Variants in SNX29 observed in about 807,000 individuals in gnomAD.
SNX29 encodes the protein sorting nexin-29.
Under a neutral mutation model 102.1 loss-of-function variants are expected in SNX29, and 78 were observed. That is an observed-to-expected ratio of 0.76 (90% CI 0.64 to 0.92). The LOEUF is 0.92. SNX29 is among the 40% of genes least tolerant of loss of function. SNX29 has a pLI of 0.00. For synonymous variants in SNX29, 580 were observed against 414.5 expected (o/e 1.40, Z -4.85); for missense variants, 1,280 against 1,061.7 (o/e 1.21, Z -2.86).
intron 20 of SNX29, among the ~76,000 whole-genome samples, chr16:12,566,618 C>T (rs544188109): frequency 6.6e-6 from 1 of 152,206 alleles, no homozygotes; most frequent in Non-Finnish European, 1.5e-5. Flanking sequence ...TTCCCCTACA[C>T]TGCAAGCAAA....
At chr16:12,023,780 C>G (rs74008652) in intron 3 of SNX29, among the ~76,000 whole-genome samples, 4 of 152,008 alleles carry the variant, frequency 2.6e-5, no homozygotes, top group Non-Finnish European at 5.9e-5. Context: ...ATGTGTCCAC[C>G]AGAAGCTAAA....
At chr16:12,309,470 CCT>C in intron 15 of SNX29, among the ~76,000 whole-genome samples, 1 of 152,256 alleles carries the variant, frequency 6.6e-6, no homozygotes, top group Non-Finnish European at 1.5e-5. Context: ...TCTCTTGGCC[CCT>C]CTGTCTCATT....
At chr16:12,561,861 G>A (rs552081664) in intron 20 of SNX29, among the ~76,000 whole-genome samples, 5 of 152,272 alleles carry the variant, frequency 3.3e-5, no homozygotes, top group Non-Finnish European at 4.4e-5. Context: ...GTGCCCTGGG[G>A]ACTTATGGGC....
intron 11 of SNX29, among the ~76,000 whole-genome samples, chr16:12,114,937 T>G (rs906142103): frequency 6.6e-6 from 1 of 152,178 alleles, no homozygotes; most frequent in African/African-American, 2.4e-5. Flanking sequence ...ATGAGATAAT[T>G]GACACATAGT....
At position 12,098,485 on chromosome 16, in the gene SNX29, C is replaced by T. The variant is rs377690658; in HGVS notation, c.1402+19570C>T. 6.6e-6 allele frequency among the ~76,000 whole-genome samples: 1 copy of T among 152,152 alleles called. No homozygotes were observed. The highest frequency in any genetic ancestry group is 1.5e-5 in the Non-Finnish European group (1 of 68,026). On this transcript the variant is annotated intron_variant, in intron 11 of 20. Coordinates refer to ENST00000566228, the MANE Select transcript of SNX29 (RefSeq NM_032167.5). The surrounding 1 kb of genome is among the most constrained non-coding windows in gnomAD (Gnocchi z 6.0). ...GGCCACCGCGTGCCCTTTGATGGGA[C>T]GTTACATTGCATTTCAGCAGCACCC...
chr16:12,543,253 C>T (rs1012063149), intron 20 of SNX29, among the ~76,000 whole-genome samples: 4 of 152,194 alleles, frequency 2.6e-5, no homozygotes, highest in East Asian at 1.9e-4. Flanking sequence ...CTGAATGATG[C>T]AGCTCTGGGT....
At chr16:12,472,545 A>AAAAAAAAAAAAAAAAC (rs1567599330) in intron 18 of SNX29, among the ~76,000 whole-genome samples, 22 of 126,164 alleles carry the variant, frequency 1.7e-4, no homozygotes, top group African/African-American at 3.8e-4. Context: ...AAAAAAAAAC[A>AAAAAAAAAAAAAAAAC]AAAAAAAAAA....
intron 9 of SNX29, among the ~76,000 whole-genome samples, chr16:12,065,810 C>T (rs987476975): frequency 6.6e-6 from 1 of 152,140 alleles, no homozygotes; most frequent in Admixed American, 6.6e-5. Context: ...GGCCTGTATG[C>T]TAAAGTGGGT....
chr16:12,567,993 C>T (rs980385542), intron 20 of SNX29, among the ~76,000 whole-genome samples: 4 of 152,176 alleles, frequency 2.6e-5, no homozygotes, highest in African/African-American at 7.2e-5. Context: ...GTTCCTGGCT[C>T]TTAAACACAA....
In SNX29 at chr16:12,206,814, G is replaced by GTTT. The variant is rs71139583; in HGVS notation, c.1678+7149_1678+7151dup. 2.3e-3 allele frequency among the ~76,000 whole-genome samples: 279 copies of GTTT among 121,606 alleles called. 12 individuals carry two copies. Among genetic ancestry groups the GTTT allele is most frequent in the South Asian group, 4.8e-3 (17 of 3,532 alleles). 79.8% of individuals were successfully genotyped at this position (121,606 alleles called of 152,430 possible). Reference sequence around the variant, plus strand: ...AAAAATCAGTAGTGGGAATGAGGTGGTTTTTTTTTTTTTTTTTTTTAAAGC... The same window carrying GTTT: ...AAAAATCAGTAGTGGGAATGAGGTGGTTTTTTTTTTTTTTTTTTTTTTTAAAGC... On this transcript the variant is annotated intron_variant, in intron 14 of 20. Transcript: ENST00000566228.
intron 20 of SNX29, among the ~76,000 whole-genome samples, chr16:12,528,200 G>C (rs541501919): frequency 6.6e-6 from 1 of 151,954 alleles, no homozygotes; most frequent in African/African-American, 2.4e-5. Flanking sequence ...AAATCCAGAC[G>C]TCAAGCTTCT....
intron 18 of SNX29, among the ~76,000 whole-genome samples, chr16:12,458,193 C>T (rs1230362739): frequency 2.0e-5 from 3 of 152,206 alleles, no homozygotes; most frequent in Non-Finnish European, 4.4e-5. Context: ...TGGGAAGTGG[C>T]AGCCACGTTC....
intron 13 of SNX29, among the ~76,000 whole-genome samples, chr16:12,163,766 C>T (rs2055893789): frequency 6.6e-6 from 1 of 152,180 alleles, no homozygotes; most frequent in African/African-American, 2.4e-5. Context: ...TCGGCACATC[C>T]TGCGGTCTCT....
chr16:12,554,439 C>G (rs1053537327), intron 20 of SNX29, among the ~76,000 whole-genome samples: 1 of 152,232 alleles, frequency 6.6e-6, no homozygotes, highest in African/African-American at 2.4e-5. Context: ...GCTGTTTCCG[C>G]ACACCTGCCA....
At chr16:12,099,919 G>A (rs966092759) in intron 11 of SNX29, among the ~76,000 whole-genome samples, 3 of 152,174 alleles carry the variant, frequency 2.0e-5, no homozygotes, top group Non-Finnish European at 4.4e-5. Flanking sequence ...AACCCGGGAT[G>A]ATGGTACTTG....
In SNX29 at chr16:12,380,653, T is replaced by A. The variant is rs973040836; in HGVS notation, c.1900-17793T>A. On this transcript the variant is annotated intron_variant, in intron 16 of 20. Coordinates refer to ENST00000566228, the MANE Select transcript of SNX29 (RefSeq NM_032167.5). ...CCACCATCCATCCATCCACCCACCA[T>A]CCATCCACCCACCCACCATCCATCC... is the stretch of plus-strand genomic sequence containing the variant. Among the ~76,000 whole-genome samples the A allele has an allele frequency of 3.5e-3, 165 of 46,914 alleles. 3 individuals are homozygous for A. Among genetic ancestry groups the A allele is most frequent in the South Asian group, 9.6e-3 (9 of 938 alleles). The allele number at this position is 46,914 out of a possible 152,430, so 30.8% of individuals were successfully genotyped here.
intron 20 of SNX29, among the ~76,000 whole-genome samples, chr16:12,559,626 T>C (rs1217499606): frequency 1.3e-5 from 2 of 152,098 alleles, no homozygotes; most frequent in African/African-American, 2.4e-5. Context: ...ACCTTGCACA[T>C]GGCCCTGTAT....
chr16:12,278,181 C>A, intron 15 of SNX29, 145 bp downstream of exon 15: 1 of 655,414 alleles, frequency 1.5e-6, no homozygotes, highest in Non-Finnish European at 2.7e-6. Context: ...AAGACCAAAT[C>A]AGTGTGCTTT....
intron 7 of SNX29, among the ~76,000 whole-genome samples, chr16:12,050,115 T>C (rs532491556): frequency 6.6e-6 from 1 of 152,344 alleles, no homozygotes; most frequent in African/African-American, 2.4e-5. Flanking sequence ...GATAGGGCTG[T>C]TGACAGCTTT....
Sources: gnomAD v4.1 joint callset for allele counts (sites outside exome capture counted in the v4.1 genomes callset) on GRCh38, gnomAD v4.1.1 for gene constraint, Gnocchi (gnomAD v3.1) non-coding constraint, MANE v1.5 for transcripts, NCBI Gene and HGNC (gene_info 2026-07-23, HGNC 2026-07-21) for gene names.